Variants in DDX54 observed in about 807,000 individuals in gnomAD.
The protein encoded by DDX54 is DEAD-box helicase 54, also known as ATP-dependent RNA helicase DDX54.
In DDX54, 67 loss-of-function variants were observed where a neutral mutation model predicts 105.5. The ratio of observed to expected loss-of-function variants is 0.64; its 90% CI spans 0.52 to 0.78. The LOEUF is 0.78. Ranked by LOEUF, DDX54 falls within the 30% of genes least tolerant of loss-of-function variation. DDX54 has a pLI of 0.00. For synonymous variants in DDX54, 514 were observed against 509.9 expected (o/e 1.01, Z -0.11); for missense variants, 1,206 against 1,230.5 (o/e 0.98, Z 0.30).
At position 113,161,362 on chromosome 12, in the gene DDX54, T is replaced by C; in HGVS notation, c.2321A>G (p.Lys774Arg). 1 of 1,613,090 alleles carries C rather than the reference T, an allele frequency of 6.2e-7. No homozygotes were observed. Among genetic ancestry groups the C allele is most frequent in the South Asian group, 1.1e-5 (1 of 90,860 alleles). The change falls in exon 19 of 20, where the codon AAA becomes AGA. Residue 774 changes from lysine to arginine, a missense_variant. Around this residue, in one of 3 missense-constraint regions of DDX54, gnomAD observed 961 missense variants for 1,019.1 expected, o/e 0.94. Transcript: ENST00000306014. Reference protein sequence around the residue: ...KRDLYQKWKQKQKIDDRDSDE... With the variant: ...KRDLYQKWKQRQKIDDRDSDE... ...CGAGTCACGATCATCAATTTTCTGT[T>C]TCTGTTTCCACTTCTGATAGCTGGG...
intron 11 of DDX54, 130 bp downstream of exon 11, chr12:113,172,223 C>T (rs573526516): frequency 1.8e-5 from 19 of 1,028,864 alleles, no homozygotes; most frequent in Middle Eastern, 6.3e-4. Context: ...AGCAATATAG[C>T]GAGGCTCTGT....
At position 113,166,023 on chromosome 12, in the gene DDX54, C is replaced by A. The variant is rs1417671344; in HGVS notation, c.1424G>T (p.Gly475Val). 1 of 1,605,492 alleles carries A rather than the reference C, an allele frequency of 6.2e-7. No homozygotes were observed. The highest frequency in any genetic ancestry group is 1.1e-5 in the South Asian group (1 of 91,024). The change falls in exon 13 of 20, where the codon GGT becomes GTT. Residue 475 changes from glycine to valine, a missense_variant. Gly to Val is a moderately radical substitution (Grantham distance 109, BLOSUM62 -3). Transcript: ENST00000306014. The stretch of plus-strand genomic sequence containing the variant: ...CACCCGACCCAGCATGCCATCCACA[C>A]CGGCCACACCTGCACCCCACACAGC... ...RPLKEPSGVA[G>V]VDGMLGRVPQ...
At position 113,170,025 on chromosome 12, in the gene DDX54, G is replaced by A. The variant is rs1952318638; in HGVS notation, c.1280-121C>T. The A allele has an allele frequency of 8.1e-6, 11 of 1,365,814 alleles. No individual in the cohort carries two copies. The South Asian group carries it at 1.6e-4, about 19-fold the overall frequency. The allele number at this position is 1,365,814 out of a possible 1,614,324, so 84.6% of individuals were successfully genotyped here. The stretch of plus-strand genomic sequence containing the variant: ...AAGCCTCGAACCTCACACGGCTGCT[G>A]TCCCCACCTACGCACAGGGAAGTTT... On this transcript the variant is annotated intron_variant, in intron 11 of 19. Coordinates refer to ENST00000306014, the MANE Select transcript of DDX54 (RefSeq NM_024072.4).
At position 113,163,260 on chromosome 12, in the gene DDX54, C is replaced by T; in HGVS notation, c.1953G>A (p.Glu651=). 6.2e-7 allele frequency: 1 copy of T among 1,609,480 alleles called. No individual in the cohort carries two copies. The highest frequency in any genetic ancestry group is 8.5e-7 in the Non-Finnish European group (1 of 1,179,904). The change falls in exon 16 of 20, where the codon GAG becomes GAA. Residue 651 remains glutamate (E), a synonymous_variant. Transcript: ENST00000306014. The surrounding 1 kb of genome is among the most constrained non-coding windows in gnomAD (Gnocchi z 5.9). ...ACCGCTGCCGCTTCCGGCCCACGAC[C>T]TCTGAGAAAATGTCCTGGCAGAGCA... The part of the protein sequence containing the change: ...AGESVEDIFS[E]VVGRKRQRSG...
chr12:113,161,005 G>A (rs1402839964), intron 19 of DDX54, among the ~76,000 whole-genome samples: 2 of 149,994 alleles, frequency 1.3e-5, no homozygotes, highest in East Asian at 4.0e-4. Flanking sequence ...CGGGGACAAG[G>A]CACCTGAGGG....
At chr12:113,174,194 A>G (rs1176337655) in intron 10 of DDX54, among the ~76,000 whole-genome samples, 1 of 151,768 alleles carries the variant, frequency 6.6e-6, no homozygotes, top group African/African-American at 2.4e-5. Context: ...AAAAAAAAAA[A>G]GAAATGTTTT....
At position 113,158,940 on chromosome 12, in the gene DDX54, C is replaced by T. The variant is rs567816792; in HGVS notation, c.2583G>A (p.Leu861=). 1.2e-6 allele frequency: 2 copies of T among 1,610,310 alleles called. No individual in the cohort carries two copies. The highest frequency in any genetic ancestry group is 1.7e-6 in the Non-Finnish European group (2 of 1,177,540). Residue 861 remains leucine (L), a synonymous_variant, in exon 20 of 20, where the codon CTG becomes CTA. Transcript: ENST00000306014. The surrounding 1 kb of genome is among the most constrained non-coding windows in gnomAD (Gnocchi z 4.9). ...SARNRRRVQE[L]QQGAFGRGAR... is the part of the protein sequence containing the mutation. ...CACCCCGGCCGAAGGCGCCCTGCTG[C>T]AGCTCCTGGACGCGGCGGCGGTTGC...
In DDX54 at chr12:113,158,707, G is replaced by A. The variant is rs546375251; in HGVS notation, c.*170C>T. On this transcript the variant is annotated 3_prime_UTR_variant, in exon 20 of 20. Transcript: ENST00000306014. This position sits in a 1 kb window ranked among gnomAD's most constrained non-coding sequence, Gnocchi z 4.9. Reference sequence around the variant, plus strand: ...TCAAATGTCTCTGTCTTAGGCTGACGCAGCTGCTGCCCTTCTGTGGCCATA... The same window carrying A: ...TCAAATGTCTCTGTCTTAGGCTGACACAGCTGCTGCCCTTCTGTGGCCATA... 8.4e-5 allele frequency: 61 copies of A among 726,582 alleles called. No individual in the cohort carries two copies. In the African/African-American group the frequency reaches 9.8e-4, roughly 12 times the overall value. The allele number at this position is 726,582 out of a possible 1,614,324, so 45.0% of individuals were successfully genotyped here. A position where few individuals can be genotyped will look rare whatever the true frequency, so the allele number is the denominator to read the frequency against.
chr12:113,180,091 C>A, intron 2 of DDX54, 86 bp from the exon 3 acceptor site: 3 of 1,220,416 alleles, frequency 2.5e-6, no homozygotes, highest in Non-Finnish European at 3.6e-6. Flanking sequence ...ATGACAGCTT[C>A]ATCAACAATA....
chr12:113,176,944 G>A lies in DDX54; in HGVS notation c.657-9C>T, dbSNP rs1228611871. On this transcript the variant is annotated splice_polypyrimidine_tract_variant and intron_variant, in intron 6 of 19. Coordinates refer to ENST00000306014, the MANE Select transcript of DDX54 (RefSeq NM_024072.4). ...CGGGCGTGGCAATAATTCTGGAAGA[G>A]GGTGCACAGGCCAGGTGACCCCAGG... The A allele has an allele frequency of 2.5e-6, 4 of 1,614,198 alleles. No individual in the cohort carries two copies. The highest frequency in any genetic ancestry group is 3.4e-6 in the Non-Finnish European group (4 of 1,180,028).
At chr12:113,179,839 G>A (rs1952445271) in intron 3 of DDX54, 96 bp downstream of exon 3, 1 of 1,395,558 alleles carries the variant, frequency 7.2e-7, no homozygotes. Flanking sequence ...GGCAGGAGAT[G>A]TGACAGGTGG....
chr12:113,161,482 A>C (rs1952205507), intron 18 of DDX54, 100 bp from the exon 19 acceptor site: 3 of 944,924 alleles, frequency 3.2e-6, no homozygotes, highest in Non-Finnish European at 4.8e-6. Flanking sequence ...TCCCAGCCGC[A>C]GCTGAAGCTG....
At chr12:113,168,089 C>G (rs151332592) in intron 12 of DDX54, 198 of 381,824 alleles carry the variant, frequency 5.2e-4, no homozygotes, top group African/African-American at 3.0e-3. Flanking sequence ...GGCCGCCCCC[C>G]ACCCCGGCCA....
chr12:113,174,720 G>C lies in DDX54; in HGVS notation c.988C>G (p.Leu330Val). Residue 330 changes from leucine (L) to valine (V), a missense_variant, in exon 10 of 20, where the codon CTG becomes GTG. Transcript: ENST00000306014. The stretch of plus-strand genomic sequence containing the variant: ...TGGGGCCGCACCACGTTGTGCAGCA[G>C]GTGGAGCAGCACGGCAGCCTTGGTG... ...EDTKAAVLLH[L>V]LHNVVRPQDQ... 2 of 1,609,542 alleles carry C rather than the reference G, an allele frequency of 1.2e-6. No individual in the cohort carries two copies.
intron 12 of DDX54, 66 bp downstream of exon 12, chr12:113,169,704 T>G: frequency 6.4e-7 from 1 of 1,562,802 alleles, no homozygotes; most frequent in Non-Finnish European, 8.7e-7. Context: ...CCCTACCTCC[T>G]CCCACAGCCA....
At chr12:113,170,370 G>C (rs1952322296) in intron 11 of DDX54, among the ~76,000 whole-genome samples, 1 of 152,232 alleles carries the variant, frequency 6.6e-6, no homozygotes, top group Non-Finnish European at 1.5e-5. Context: ...GGCCAGGCTG[G>C]TGGCTCACGC....
chr12:113,175,443 CAGG>C (rs1952391300), intron 7 of DDX54, among the ~76,000 whole-genome samples: 1 of 152,190 alleles, frequency 6.6e-6, no homozygotes, highest in African/African-American at 2.4e-5. Flanking sequence ...GAGGCCAAGG[CAGG>C]AGGAGTTCAA....
chr12:113,185,153 G>A (rs1952513962), intron 1 of DDX54, 125 bp downstream of exon 1: 2 of 1,245,856 alleles, frequency 1.6e-6, no homozygotes, highest in East Asian at 6.2e-5. Context: ...ACCGGTCCTC[G>A]GGTCGGCAGC....
intron 5 of DDX54, 39 bp from the exon 6 acceptor site, chr12:113,177,132 C>A: frequency 6.2e-7 from 1 of 1,607,148 alleles, no homozygotes; most frequent in South Asian, 1.1e-5. Flanking sequence ...TAGAACAGGT[C>A]TCTTTGGTTT....
Sources: allele counts gnomAD v4.1 joint callset (sites outside exome capture counted in the v4.1 genomes callset), GRCh38; gene constraint gnomAD v4.1.1; regional missense constraint gnomAD v4.1.1; non-coding constraint Gnocchi (gnomAD v3.1); transcripts MANE v1.5; gene names NCBI Gene and HGNC (gene_info 2026-07-23, HGNC 2026-07-21).